The following KAZN variants were observed in gnomAD, a reference collection of about 807,000 sequenced individuals.
The protein encoded by KAZN is kazrin, periplakin interacting protein.
KAZN carries 40 observed loss-of-function variants against 87.4 expected under a neutral mutation model. The ratio of observed to expected loss-of-function variants is 0.46; its 90% CI spans 0.36 to 0.60. KAZN has a LOEUF of 0.60. KAZN is among the 20% of genes least tolerant of loss of function. KAZN has a pLI of 0.00. For synonymous variants in KAZN, 466 were observed against 458.3 expected, an observed-to-expected ratio of 1.02 and a Z score of -0.22; for missense variants, 898 against 1,073.9, an observed-to-expected ratio of 0.84 and a Z score of 2.29.
intron 1 of KAZN, among the ~76,000 whole-genome samples, chr1:14,741,518 G>C (rs1425922541): frequency 6.6e-6 from 1 of 152,244 alleles, no homozygotes; most frequent in Non-Finnish European, 1.5e-5. Context: ...ATCAGGTCCT[G>C]AAATTTGAGA....
intron 2 of KAZN, among the ~76,000 whole-genome samples, chr1:14,332,113 C>G (rs1012144232): frequency 2.6e-5 from 4 of 152,046 alleles, no homozygotes; most frequent in Non-Finnish European, 4.4e-5. Flanking sequence ...AATGTAAAAG[C>G]CATTGTTAGC....
At chr1:14,886,345 C>G (rs779555958) in intron 1 of KAZN, among the ~76,000 whole-genome samples, 2 of 152,058 alleles carry the variant, frequency 1.3e-5, no homozygotes, top group Non-Finnish European at 2.9e-5. Flanking sequence ...ATCACTTGAG[C>G]CCAGGAGTTC....
At chr1:14,025,322 G>T (rs1338813476) in intron 1 of KAZN, among the ~76,000 whole-genome samples, 3 of 152,178 alleles carry the variant, frequency 2.0e-5, no homozygotes, top group Non-Finnish European at 4.4e-5. Context: ...GACTAAATAA[G>T]ATTTGGAAAT....
At chr1:14,231,650 A>C (rs1647859712) in intron 2 of KAZN, among the ~76,000 whole-genome samples, 1 of 152,204 alleles carries the variant, frequency 6.6e-6, no homozygotes, top group Non-Finnish European at 1.5e-5. Context: ...GAATTCCTCA[A>C]CACTACCTAG....
chr1:13,932,684 A>G (rs1028494283), intron 1 of KAZN, among the ~76,000 whole-genome samples: 1 of 152,342 alleles, frequency 6.6e-6, no homozygotes, highest in South Asian at 2.1e-4. Context: ...CCACAGTAAC[A>G]CAGCTAGTAA....
intron 2 of KAZN, among the ~76,000 whole-genome samples, chr1:14,183,843 A>G (rs941927979): frequency 3.9e-5 from 6 of 152,190 alleles, no homozygotes; most frequent in Admixed American, 3.9e-4. Context: ...CTGTGCACCT[A>G]GGGGCTTCCT....
At chr1:14,028,392 GA>G (rs1641176225) in intron 1 of KAZN, among the ~76,000 whole-genome samples, 1 of 152,070 alleles carries the variant, frequency 6.6e-6, no homozygotes, top group Non-Finnish European at 1.5e-5. Flanking sequence ...GTAGATCCTG[GA>G]GCTCGAATTT....
At chr1:14,867,291 G>A (rs1651575963) in intron 1 of KAZN, among the ~76,000 whole-genome samples, 1 of 152,180 alleles carries the variant, frequency 6.6e-6, no homozygotes, top group Admixed American at 6.5e-5. Context: ...GGGGAGAGTG[G>A]GGAGATTTAT....
intron 2 of KAZN, among the ~76,000 whole-genome samples, chr1:14,408,191 G>A (rs1664019328): frequency 6.6e-6 from 1 of 152,208 alleles, no homozygotes; most frequent in Non-Finnish European, 1.5e-5. Context: ...GCTGGGGTCT[G>A]GATTTTCTGA....
intron 1 of KAZN, among the ~76,000 whole-genome samples, chr1:14,639,978 A>G (rs970159322): frequency 6.6e-6 from 1 of 152,184 alleles, no homozygotes. Flanking sequence ...TCCCTGCGGC[A>G]TGATGGTGGC....
chr1:15,103,740 G>A (rs909756621), intron 12 of KAZN, among the ~76,000 whole-genome samples: 2 of 152,160 alleles, frequency 1.3e-5, no homozygotes, highest in African/African-American at 2.4e-5. Context: ...ATGGGGTAGA[G>A]AGGCTGAGCC....
At chr1:14,448,745 G>C (rs1667114826) in intron 2 of KAZN, among the ~76,000 whole-genome samples, 1 of 152,176 alleles carries the variant, frequency 6.6e-6, no homozygotes, top group Non-Finnish European at 1.5e-5. Flanking sequence ...GGCGAGGGCA[G>C]GCACAAGGGA....
chr1:14,800,187 A>G (rs577941111), intron 1 of KAZN, among the ~76,000 whole-genome samples: 1 of 152,170 alleles, frequency 6.6e-6, no homozygotes, highest in Non-Finnish European at 1.5e-5. Context: ...GGTTTTTGTG[A>G]TCCCAAAACC....
chr1:13,948,400 G>C (rs1051204594), intron 1 of KAZN, among the ~76,000 whole-genome samples: 6 of 152,104 alleles, frequency 3.9e-5, no homozygotes, highest in Non-Finnish European at 5.9e-5. Context: ...CCCCTTCGCG[G>C]GGCACTCATT....
In KAZN at chr1:14,833,969, TCACACACACACACA is replaced by T. The variant is rs56000715; in HGVS notation, c.227-126688_227-126675del. ...GGACTCTGCTGTCCTCCCAAGTCATTCACACACACACACACACACACACACACACACACACACAC... is the reference window on the plus strand; with the variant it reads ...GGACTCTGCTGTCCTCCCAAGTCATTCACACACACACACACACACACACAC... On this transcript the variant is annotated intron_variant, in intron 1 of 14. Transcript: ENST00000376030. 2.7e-3 allele frequency among the ~76,000 whole-genome samples: 389 copies of T among 141,962 alleles called. 2 individuals carry two copies. Among genetic ancestry groups the T allele is most frequent in the African/African-American group, 9.5e-3 (362 of 38,296 alleles). 93.1% of individuals were successfully genotyped at this position (141,962 alleles called of 152,430 possible).
At chr1:14,457,041 C>T (rs1667604462) in intron 2 of KAZN, among the ~76,000 whole-genome samples, 1 of 152,198 alleles carries the variant, frequency 6.6e-6, no homozygotes, top group Non-Finnish European at 1.5e-5. Flanking sequence ...GATCGCACCA[C>T]TGCACTCCAG....
At chr1:14,437,274 C>T (rs1203104009) in intron 2 of KAZN, among the ~76,000 whole-genome samples, 1 of 152,200 alleles carries the variant, frequency 6.6e-6, no homozygotes, top group Admixed American at 6.5e-5. Flanking sequence ...GGGGCTCCAG[C>T]TCACTGCCGC....
chr1:14,581,251 G>C lies in KAZN; in HGVS notation c.250-17732G>C, dbSNP rs115983389. Among the ~76,000 whole-genome samples the C allele has an allele frequency of 9.2e-3, 1,394 of 152,216 alleles. 26 individuals are homozygous for C. Among genetic ancestry groups the C allele is most frequent in the African/African-American group, 0.031 (1,289 of 41,540 alleles). On this transcript the variant is annotated intron_variant, in intron 2 of 16. Transcript: ENST00000636203. ...AAACCTGCTCCTCCCACCGCCTTCC[G>C]CATTCGGGAAATGAATGTTTCATTC...
At chr1:14,007,471 A>G (rs1457833626) in intron 1 of KAZN, among the ~76,000 whole-genome samples, 1 of 152,162 alleles carries the variant, frequency 6.6e-6, no homozygotes, top group East Asian at 1.9e-4. Context: ...CCAAGCAGAT[A>G]TGCACACCCA....
Sources: gnomAD v4.1 joint callset for allele counts (sites outside exome capture counted in the v4.1 genomes callset) on GRCh38, gnomAD v4.1.1 for gene constraint, MANE v1.5 for transcripts, NCBI Gene and HGNC (gene_info 2026-07-23, HGNC 2026-07-21) for gene names.